Variants in TMEM132B observed in about 807,000 individuals in gnomAD.
TMEM132B encodes the protein transmembrane protein 132B.
A neutral mutation model predicts 90.8 loss-of-function variants in TMEM132B; 18 were observed. The ratio of observed to expected loss-of-function variants is 0.20; its 90% CI spans 0.14 to 0.29. The LOEUF is 0.29. Among genes scored for constraint, TMEM132B ranks in the 10% least tolerant of loss-of-function variants. TMEM132B has a pLI of 1.00. For missense variants in TMEM132B, 1,096 were observed against 1,326.8 expected (o/e 0.83, Z 2.70); for synonymous variants, 504 against 523.3 (o/e 0.96, Z 0.50).
chr12:125,546,937 T>C (rs1285643614), intron 4 of TMEM132B, among the ~76,000 whole-genome samples: 1 of 152,176 alleles, frequency 6.6e-6, no homozygotes, highest in Non-Finnish European at 1.5e-5. Context: ...TTAACAATCA[T>C]GTTGGAAGGC....
intron 2 of TMEM132B, among the ~76,000 whole-genome samples, chr12:125,382,773 T>G (rs965869259): frequency 1.3e-5 from 2 of 152,220 alleles, no homozygotes; most frequent in Non-Finnish European, 1.5e-5. Flanking sequence ...AACCACTCAT[T>G]GAATTATTCC....
chr12:125,418,263 T>TA (rs11314334), intron 3 of TMEM132B, among the ~76,000 whole-genome samples: 54 of 151,420 alleles, frequency 3.6e-4, no homozygotes, highest in African/African-American at 1.2e-3. Context: ...TTAGAAAAGA[T>TA]AAAAAAAAAG....
intron 5 of TMEM132B, among the ~76,000 whole-genome samples, chr12:125,596,471 G>A (rs998717445): frequency 1.3e-5 from 2 of 152,162 alleles, no homozygotes; most frequent in African/African-American, 4.8e-5. Context: ...TTGCCATCCA[G>A]ACATTCAACA....
intron 1 of TMEM132B, among the ~76,000 whole-genome samples, chr12:125,306,087 C>G (rs750654): frequency 0.084 from 12,842 of 152,256 alleles, 611 homozygotes; most frequent in Non-Finnish European, 0.1. Flanking sequence ...ATAAGCTTAG[C>G]TGGCCAACTG....
At chr12:125,438,231 G>A (rs1032630804) in intron 3 of TMEM132B, among the ~76,000 whole-genome samples, 3 of 152,130 alleles carry the variant, frequency 2.0e-5, no homozygotes, top group African/African-American at 7.2e-5. Context: ...TGTCCATCTG[G>A]GCAGTAACTC....
At chr12:125,606,662 T>C (rs1417725103) in intron 5 of TMEM132B, among the ~76,000 whole-genome samples, 3 of 152,240 alleles carry the variant, frequency 2.0e-5, no homozygotes, top group African/African-American at 7.2e-5. Flanking sequence ...ATAACCAATG[T>C]TGTCAGAGCT....
intron 4 of TMEM132B, among the ~76,000 whole-genome samples, chr12:125,564,496 A>T (rs1256410150): frequency 4.6e-5 from 7 of 152,156 alleles, no homozygotes; most frequent in Admixed American, 1.3e-4. Context: ...TCTCAGAAGG[A>T]TGTGCAGGCT....
intron 5 of TMEM132B, among the ~76,000 whole-genome samples, chr12:125,620,190 T>C (rs1356281465): frequency 2.0e-5 from 3 of 152,264 alleles, no homozygotes; most frequent in African/African-American, 7.2e-5. Context: ...CCACTGGGGA[T>C]GTATCAAATG....
chr12:125,437,286 A>T (rs1161168223), intron 3 of TMEM132B, among the ~76,000 whole-genome samples: 1 of 152,180 alleles, frequency 6.6e-6, no homozygotes, highest in East Asian at 1.9e-4. Flanking sequence ...GCGGATCTGA[A>T]ATCTTAATGT....
chr12:125,591,020 CGTGTGTGTGTGTGTGTTT>C (rs888309721), intron 5 of TMEM132B, among the ~76,000 whole-genome samples: 1 of 150,644 alleles, frequency 6.6e-6, no homozygotes, highest in African/African-American at 2.4e-5. Flanking sequence ...TGCACGCCCG[CGTGTGTGTGTGTGTGTTT>C]GTGTGTGTGT....
chr12:125,539,728 T>A (rs1009451980), intron 4 of TMEM132B, among the ~76,000 whole-genome samples: 2 of 152,246 alleles, frequency 1.3e-5, no homozygotes, highest in African/African-American at 4.8e-5. Flanking sequence ...GCATTGATTC[T>A]TTGTCTTCTT....
chr12:125,533,320 T>C (rs985255877), intron 4 of TMEM132B, among the ~76,000 whole-genome samples: 4 of 152,178 alleles, frequency 2.6e-5, no homozygotes, highest in African/African-American at 4.8e-5. Flanking sequence ...CTTAAGATAG[T>C]GATGAAATTC....
chr12:125,547,193 T>C (rs149482000), intron 4 of TMEM132B, among the ~76,000 whole-genome samples: 1,555 of 152,304 alleles, frequency 0.01, 29 homozygotes, highest in African/African-American at 0.036. Context: ...GGTAAACATA[T>C]GCTTAATTTT....
At chr12:125,229,023 C>T (rs985843415) in intron 1 of TMEM132B, among the ~76,000 whole-genome samples, 2 of 152,140 alleles carry the variant, frequency 1.3e-5, no homozygotes, top group African/African-American at 4.8e-5. Flanking sequence ...GCTATGGTGC[C>T]GCGGGCGAGG....
intron 1 of TMEM132B, among the ~76,000 whole-genome samples, chr12:125,333,432 C>T (rs768499438): frequency 7.9e-5 from 12 of 152,204 alleles, no homozygotes; most frequent in South Asian, 2.1e-4. Flanking sequence ...CCACTACATA[C>T]GGCAAATAGA....
chr12:125,575,898 C>T (rs938237985), intron 4 of TMEM132B, among the ~76,000 whole-genome samples: 3 of 151,998 alleles, frequency 2.0e-5, no homozygotes. Context: ...TCTGGAAAGT[C>T]AATTCTAATC....
At chr12:125,628,728 C>T (rs549204729) in intron 5 of TMEM132B, among the ~76,000 whole-genome samples, 1 of 152,262 alleles carries the variant, frequency 6.6e-6, no homozygotes, top group South Asian at 2.1e-4. Context: ...TTGCCCAGAC[C>T]AGTGTTCTGG....
chr12:125,455,669 A>ATT (rs35613986), intron 3 of TMEM132B, among the ~76,000 whole-genome samples: 1 of 139,884 alleles, frequency 7.1e-6, no homozygotes. Flanking sequence ...CAAGGGTTGG[A>ATT]TTTTTTTTTT....
At chr12:125,597,060 G>A (rs1373930622) in intron 5 of TMEM132B, among the ~76,000 whole-genome samples, 1 of 152,102 alleles carries the variant, frequency 6.6e-6, no homozygotes, top group Non-Finnish European at 1.5e-5. Context: ...GGGAGAGATG[G>A]GACTTTGGCC....
Sources: allele counts gnomAD v4.1 joint callset (sites outside exome capture counted in the v4.1 genomes callset), GRCh38; gene constraint gnomAD v4.1.1; transcripts MANE v1.5; gene names NCBI Gene and HGNC (gene_info 2026-07-23, HGNC 2026-07-21).